FBH1: variants seen among roughly 807,000 people sequenced by gnomAD.
FBH1 encodes the protein DNA 3'-5' helicase 1.
FBH1 carries 43 observed loss-of-function variants against 115.5 expected under a neutral mutation model. That is an observed-to-expected ratio of 0.37 (90% CI 0.29 to 0.48). FBH1 has a LOEUF of 0.48. Ranked by LOEUF, FBH1 falls within the 20% of genes least tolerant of loss-of-function variation. The probability of loss-of-function intolerance (pLI) is 0.99; values close to 1 mark genes in which losing one functional copy is unlikely to be tolerated. For missense variants in FBH1, 1,001 were observed against 1,337.3 expected (o/e 0.75, Z 3.92); for synonymous variants, 524 against 507.8 (o/e 1.03, Z -0.43).
intron 1 of FBH1, 67 bp from the exon 2 acceptor site, chr10:5,902,953 G>C (rs1589057334): frequency 6.7e-7 from 1 of 1,483,780 alleles, no homozygotes; most frequent in East Asian, 2.4e-5. Flanking sequence ...ATAATGTGCT[G>C]GCTAGCTTGT....
chr10:5,897,251 C>A lies in FBH1; in HGVS notation c.2-5769C>A, dbSNP rs2131844371. 6.6e-6 allele frequency among the ~76,000 whole-genome samples: 1 copy of A among 152,258 alleles called. No homozygotes were observed. The highest frequency in any genetic ancestry group is 2.1e-4 in the South Asian group (1 of 4,830). On this transcript the variant is annotated intron_variant, in intron 1 of 20. Coordinates refer to ENST00000362091, the MANE Select transcript of FBH1 (RefSeq NM_178150.3). The surrounding 1 kb of genome is among the most constrained non-coding windows in gnomAD (Gnocchi z 4.7). ...ATTCAGCATGGCAGGTTATTATAAT[C>A]CTCGTTTTCATAAGCAAGGCTTTGG...
chr10:5,927,343 G>A (rs1169522895), intron 18 of FBH1, 92 bp from the exon 19 acceptor site: 3 of 875,806 alleles, frequency 3.4e-6, no homozygotes, highest in African/African-American at 1.7e-5. Flanking sequence ...CGGGGAATGG[G>A]TGGGGGCTAG....
intron 2 of FBH1, among the ~76,000 whole-genome samples, chr10:5,903,940 C>G (rs1361127385): frequency 2.0e-5 from 3 of 152,242 alleles, no homozygotes; most frequent in African/African-American, 4.8e-5. Context: ...TCTGCTAAAT[C>G]AACTGGAATG....
chr10:5,906,501 G>A lies in FBH1; in HGVS notation c.622G>A (p.Ala208Thr), dbSNP rs759665021. 1 of 1,614,132 alleles carries A rather than the reference G, an allele frequency of 6.2e-7. No homozygotes were observed. The highest frequency in any genetic ancestry group is 1.1e-5 in the South Asian group (1 of 91,072). ...TCTTGGGACCTTGCCCTGCCAGGAA[G>A]CACTGAGCCACATTTGCAGCCTGCC... is the stretch of plus-strand genomic sequence containing the variant. ...GLLGTLPCQE[A>T]LSHICSLPSE... Residue 208 changes from alanine to threonine, a missense_variant, in exon 3 of 21, where the codon GCA (alanine) becomes ACA (threonine). Ala to Thr is a moderately conservative substitution (Grantham distance 58). Transcript: ENST00000362091. The surrounding 1 kb of genome is among the most constrained non-coding windows in gnomAD (Gnocchi z 7.3).
rs200945962 is a variant in FBH1, at chr10:5,918,437, C to T, written c.2059C>T (p.Leu687=). Reference sequence around the variant, plus strand: ...TACCTTCCGGGGTGCGGTCAACGCCCTGTTCACAGTGCCCCACACCCACGT... The same window carrying T: ...TACCTTCCGGGGTGCGGTCAACGCCTTGTTCACAGTGCCCCACACCCACGT... The part of the protein sequence containing the change: ...IYTFRGAVNA[L]FTVPHTHVFY... The change falls in exon 13 of 21, where the codon CTG becomes TTG. Residue 687 remains leucine, a synonymous_variant. Transcript: ENST00000362091. This position sits in a 1 kb window ranked among gnomAD's most constrained non-coding sequence, Gnocchi z 4.0. The T allele has an allele frequency of 1.9e-6, 3 of 1,611,004 alleles. No homozygotes were observed. In the East Asian group the frequency reaches 6.7e-5, roughly 36 times the overall value.
At chr10:5,930,592 T>G (rs1832912581) in intron 19 of FBH1, among the ~76,000 whole-genome samples, 1 of 152,238 alleles carries the variant, frequency 6.6e-6, no homozygotes, top group Admixed American at 6.5e-5. Context: ...CCTCGTCACA[T>G]GAGGAGGCTC....
chr10:5,928,029 C>T (rs1399447061), intron 19 of FBH1, among the ~76,000 whole-genome samples: 1 of 134,266 alleles, frequency 7.4e-6, no homozygotes, highest in African/African-American at 2.9e-5. Context: ...GCCAAGATGG[C>T]ACCACTGCCT....
intron 15 of FBH1, among the ~76,000 whole-genome samples, chr10:5,922,764 G>A (rs187512129): frequency 6.6e-6 from 1 of 152,316 alleles, no homozygotes; most frequent in Non-Finnish European, 1.5e-5. Context: ...GTGAGTGCCG[G>A]AGCCCAGCCA....
In FBH1 at chr10:5,909,800, A is replaced by C. The variant is rs1831447925; in HGVS notation, c.1020+506A>C. Among the ~76,000 whole-genome samples the C allele has an allele frequency of 6.6e-6, 1 of 152,102 alleles. No individual in the cohort carries two copies. The highest frequency in any genetic ancestry group is 6.5e-5 in the Admixed American group (1 of 15,276). Reference sequence around the variant, plus strand: ...GATTTTATCTTCGAAGCTACGTGCAACCTCTGCGTGTGTTTTACTGGCCAC... The same window carrying C: ...GATTTTATCTTCGAAGCTACGTGCACCCTCTGCGTGTGTTTTACTGGCCAC... On this transcript the variant is annotated intron_variant, in intron 5 of 20. Coordinates refer to ENST00000362091, the MANE Select transcript of FBH1 (RefSeq NM_178150.3). The surrounding 1 kb of genome is among the most constrained non-coding windows in gnomAD (Gnocchi z 4.4).
chr10:5,909,152 C>T lies in FBH1; in HGVS notation c.885-7C>T. The T allele has an allele frequency of 6.2e-7, 1 of 1,613,650 alleles. No homozygotes were observed. ...TACTCATGGCCTCTCCTGTGAATGT[C>T]TTACAGATACACAGCCACCACTAAG... On this transcript the variant is annotated splice_polypyrimidine_tract_variant and splice_region_variant and intron_variant, in intron 4 of 20. Transcript: ENST00000362091. The surrounding 1 kb of genome is among the most constrained non-coding windows in gnomAD (Gnocchi z 4.4).
In FBH1 at chr10:5,906,211, C is replaced by A. The variant is rs143782854; in HGVS notation, c.332C>A (p.Pro111Gln). The A allele has an allele frequency of 6.2e-7, 1 of 1,614,188 alleles. No individual in the cohort carries two copies. Among genetic ancestry groups the A allele is most frequent in the African/African-American group, 1.3e-5 (1 of 75,042 alleles). The change falls in exon 3 of 21, where the codon CCG (proline) becomes CAG (glutamine). Residue 111 changes from proline (P) to glutamine (Q), a missense_variant. By Grantham distance (76) the Pro-to-Gln change is moderately conservative. This residue lies in a region of FBH1 where 420 missense variants were observed against 430.4 expected (regional missense o/e 0.98). Coordinates refer to ENST00000362091, the MANE Select transcript of FBH1 (RefSeq NM_178150.3). This position sits in a 1 kb window ranked among gnomAD's most constrained non-coding sequence, Gnocchi z 7.3. ...CTGCCTCAGGAAGGCAGTGCAGGGC[C>A]GGGCTCACCAGGGTCTGCCCCGCCC... ...CALPQEGSAG[P>Q]GSPGSAPPSR...
intron 1 of FBH1, among the ~76,000 whole-genome samples, chr10:5,898,353 G>T (rs1397818262): frequency 6.6e-6 from 1 of 152,118 alleles, no homozygotes; most frequent in Non-Finnish European, 1.5e-5. Context: ...TCTTATAAGG[G>T]CACTAATCCC....
chr10:5,903,621 G>A (rs1288925273), intron 2 of FBH1, among the ~76,000 whole-genome samples: 3 of 151,948 alleles, frequency 2.0e-5, no homozygotes, highest in Non-Finnish European at 2.9e-5. Flanking sequence ...GAGCCACCGC[G>A]CCCCGCCGAG....
At position 5,933,375 on chromosome 10, in the gene FBH1, G is replaced by A. The variant is rs1833078937; in HGVS notation, c.2830-3081G>A. ...TGCACTCCAGTGTGGGCAACAAAGTGAGACTCTGTCTCAAAACAAACAAAC... is the reference window on the plus strand; with the variant it reads ...TGCACTCCAGTGTGGGCAACAAAGTAAGACTCTGTCTCAAAACAAACAAAC... On this transcript the variant is annotated intron_variant, in intron 19 of 20. Transcript: ENST00000362091. This position sits in a 1 kb window ranked among gnomAD's most constrained non-coding sequence, Gnocchi z 4.9. Among the ~76,000 whole-genome samples the A allele has an allele frequency of 6.6e-6, 1 of 152,222 alleles. No individual in the cohort carries two copies. The highest frequency in any genetic ancestry group is 2.4e-5 in the African/African-American group (1 of 41,478).
At position 5,899,693 on chromosome 10, in the gene FBH1, G is replaced by A. The variant is rs915018448; in HGVS notation, c.2-3327G>A. ...GTGGGGCACCTCACCCAGGATTTTC[G>A]GGTGTTCTGGAAGCCATGTTGCCGC... On this transcript the variant is annotated intron_variant, in intron 1 of 20. Coordinates refer to ENST00000362091, the MANE Select transcript of FBH1 (RefSeq NM_178150.3). Among the ~76,000 whole-genome samples the A allele has an allele frequency of 5.9e-5, 9 of 152,150 alleles. No homozygotes were observed. The East Asian group carries it at 1.3e-3, about 23-fold the overall frequency.
chr10:5,923,512 C>A lies in FBH1; in HGVS notation c.2323-109C>A. 1.2e-6 allele frequency: 1 copy of A among 847,004 alleles called. No individual in the cohort carries two copies. The highest frequency in any genetic ancestry group is 1.8e-6 in the Non-Finnish European group (1 of 544,358). 52.5% of individuals were successfully genotyped at this position (847,004 alleles called of 1,614,324 possible). On this transcript the variant is annotated intron_variant, in intron 15 of 20. Transcript: ENST00000362091. The surrounding 1 kb of genome is among the most constrained non-coding windows in gnomAD (Gnocchi z 5.7). ...CCATTTCCAAGAAACCATCTCATTT[C>A]AAAACCCCATCCCTGCATTTGCTTT...
At chr10:5,905,987 C>T in intron 2 of FBH1, 50 bp from the exon 3 acceptor site, 2 of 1,350,024 alleles carry the variant, frequency 1.5e-6, no homozygotes, top group Admixed American at 1.8e-5. Flanking sequence ...AACAGCAGGT[C>T]AACAGTCATC....
Position 5,924,564 on chromosome 10 carries a change from C to A in FBH1, c.2596+56C>A. ...CCTAAGAGGAGGAACAGATGGTCTT[C>A]TGCTGTTCTTTTTTTTTTTTTGAGA... is the stretch of plus-strand genomic sequence containing the variant. On this transcript the variant is annotated intron_variant, in intron 17 of 20. Coordinates refer to ENST00000362091, the MANE Select transcript of FBH1 (RefSeq NM_178150.3). The surrounding 1 kb of genome is among the most constrained non-coding windows in gnomAD (Gnocchi z 6.2). 6.6e-7 allele frequency: 1 copy of A among 1,509,690 alleles called. No individual in the cohort carries two copies. Among genetic ancestry groups the A allele is most frequent in the Non-Finnish European group, 9.1e-7 (1 of 1,101,530 alleles). The allele number at this position is 1,509,690 out of a possible 1,614,324, so 93.5% of individuals were successfully genotyped here.
chr10:5,905,815 G>T, intron 2 of FBH1, among the ~76,000 whole-genome samples: 1 of 152,156 alleles, frequency 6.6e-6, no homozygotes, highest in East Asian at 1.9e-4. Context: ...TGTGAAGACT[G>T]GTCTCTGTCT....
Sources: gnomAD v4.1 joint callset for allele counts (sites outside exome capture counted in the v4.1 genomes callset) on GRCh38, gnomAD v4.1.1 for gene constraint, gnomAD v4.1.1 regional missense constraint, Gnocchi (gnomAD v3.1) non-coding constraint, MANE v1.5 for transcripts, NCBI Gene and HGNC (gene_info 2026-07-23, HGNC 2026-07-21) for gene names.